The following ZNF254 variants were observed in gnomAD, a reference collection of about 807,000 sequenced individuals.
ZNF254 encodes zinc finger protein 254, also known as CTD-2017D11.1.
Under a neutral mutation model 12.4 loss-of-function variants are expected in ZNF254, and 10 were observed. The ratio of observed to expected loss-of-function variants is 0.80; its 90% confidence interval spans 0.50 to 1.36. The LOEUF (loss-of-function observed/expected upper bound fraction) is 1.36, where lower values mean the gene tolerates loss of function less well. ZNF254 is among the 40% of genes most tolerant of loss of function. The pLI, the probability that ZNF254 is intolerant of heterozygous loss-of-function variation, is 0.00. For synonymous variants in ZNF254, 305 were observed against 253.4 expected, an observed-to-expected ratio of 1.20 and a Z score of -1.93; for missense variants, 996 against 763.9, an observed-to-expected ratio of 1.30 and a Z score of -3.58.
At chr19:24,038,076 T>C (rs1970032763) in intron 1 of ZNF254, among the ~76,000 whole-genome samples, 1 of 152,254 alleles carries the variant, frequency 6.6e-6, no homozygotes, top group Non-Finnish European at 1.5e-5. Flanking sequence ...CTTTTCTGCC[T>C]ACTTGAAATA....
upstream of ZNF254, chr19:24,087,017 C>CAG (rs1972065281): frequency 2.6e-6 from 1 of 383,246 alleles, no homozygotes; most frequent in Admixed American, 3.9e-5. Context: ...GATAAGGCTG[C>CAG]AGCTTAGGCT....
intron 2 of ZNF254, among the ~76,000 whole-genome samples, chr19:24,053,254 A>G (rs530187058): frequency 6.6e-6 from 1 of 152,336 alleles, no homozygotes; most frequent in South Asian, 2.1e-4. Flanking sequence ...TGAAGTTCTC[A>G]TGCACAAATC....
chr19:24,049,205 TATATA>T (rs1169821228), intron 2 of ZNF254, among the ~76,000 whole-genome samples: 14 of 59,970 alleles, frequency 2.3e-4, no homozygotes, highest in Non-Finnish European at 3.1e-4. Flanking sequence ...TATATATATA[TATATA>T]TATATTTTTT....
At chr19:24,088,992 T>C (rs1972202283) in intron 1 of ZNF254, among the ~76,000 whole-genome samples, 1 of 137,176 alleles carries the variant, frequency 7.3e-6, no homozygotes, top group Admixed American at 7.5e-5. Flanking sequence ...TTTTTTTTTT[T>C]TGAGACAGAG....
chr19:24,087,682 C>G (rs527920883), intron 1 of ZNF254, among the ~76,000 whole-genome samples: 16 of 152,224 alleles, frequency 1.1e-4, no homozygotes, highest in African/African-American at 3.4e-4. Context: ...GAGCTTTGGT[C>G]TGTGGGGTTC....
intron 2 of ZNF254, among the ~76,000 whole-genome samples, chr19:24,052,625 C>T (rs961967136): frequency 3.9e-5 from 6 of 152,196 alleles, no homozygotes; most frequent in African/African-American, 1.4e-4. Flanking sequence ...TGTGACTCTG[C>T]TGACTATATT....
intron 3 of ZNF254, among the ~76,000 whole-genome samples, chr19:24,113,835 T>A (rs372591932): frequency 2.0e-5 from 3 of 152,166 alleles, no homozygotes; most frequent in Non-Finnish European, 2.9e-5. Context: ...ACTTCAGCAA[T>A]GTCTCAGGAT....
intron 3 of ZNF254, among the ~76,000 whole-genome samples, chr19:24,123,634 A>G (rs1974635400): frequency 6.6e-6 from 1 of 152,150 alleles, no homozygotes; most frequent in Non-Finnish European, 1.5e-5. Flanking sequence ...ACATACACAC[A>G]CACACACAAA....
At chr19:24,062,162 C>T (rs977097291) in intron 2 of ZNF254, among the ~76,000 whole-genome samples, 4 of 151,318 alleles carry the variant, frequency 2.6e-5, no homozygotes, top group Non-Finnish European at 5.9e-5. Flanking sequence ...TAGAGAATTA[C>T]CACTCTCTTG....
intron 2 of ZNF254, among the ~76,000 whole-genome samples, chr19:24,073,205 G>A (rs981580535): frequency 1.3e-5 from 2 of 152,188 alleles, no homozygotes; most frequent in African/African-American, 4.8e-5. Flanking sequence ...CTGACCCATG[G>A]ACAGTGCCCA....
chr19:24,037,889 G>A (rs577898624), intron 1 of ZNF254, among the ~76,000 whole-genome samples: 15 of 152,166 alleles, frequency 9.9e-5, no homozygotes, highest in Non-Finnish European at 1.6e-4. Flanking sequence ...GATTATAGGC[G>A]TGAGACATCA....
intron 2 of ZNF254, among the ~76,000 whole-genome samples, chr19:24,070,131 G>A (rs1971428758): frequency 1.3e-5 from 2 of 152,132 alleles, no homozygotes; most frequent in African/African-American, 4.8e-5. Flanking sequence ...AGGCAGATGA[G>A]GACTCTCCTA....
At chr19:24,098,540 C>T (rs531846450) in intron 1 of ZNF254, 1 of 152,098 alleles carries the variant, frequency 6.6e-6, no homozygotes, top group South Asian at 2.1e-4. Flanking sequence ...ATAATATGCC[C>T]CCTTTCTTCA....
intron 2 of ZNF254, chr19:24,063,776 T>G (rs1261228856): frequency 6.7e-6 from 1 of 149,704 alleles, no homozygotes; most frequent in Non-Finnish European, 1.5e-5. Flanking sequence ...ACTAAGGTGA[T>G]GTTACTTTTT....
At chr19:24,061,472 T>C (rs191390679) in intron 2 of ZNF254, among the ~76,000 whole-genome samples, 1 of 152,276 alleles carries the variant, frequency 6.6e-6, no homozygotes, top group Admixed American at 6.5e-5. Context: ...ACAGGAAAGG[T>C]TGTAACACAC....
chr19:24,055,735 G>C (rs1463740941), intron 2 of ZNF254, among the ~76,000 whole-genome samples: 1 of 152,186 alleles, frequency 6.6e-6, no homozygotes, highest in East Asian at 1.9e-4. Flanking sequence ...AGGTGAGTTG[G>C]TGACACTCAG....
chr19:24,092,120 C>T (rs1376816881), intron 1 of ZNF254: 1 of 151,860 alleles, frequency 6.6e-6, no homozygotes, highest in Non-Finnish European at 1.5e-5. Flanking sequence ...GATCCACCCA[C>T]CTCGGCCTCC....
intron 1 of ZNF254, chr19:24,105,737 T>A: frequency 1.4e-6 from 1 of 695,178 alleles, no homozygotes; most frequent in Non-Finnish European, 2.1e-6. Flanking sequence ...TATACACTGA[T>A]GTGGATATTT....
chr19:24,115,572 C>G (rs1340111157), intron 3 of ZNF254, among the ~76,000 whole-genome samples: 3 of 151,524 alleles, frequency 2.0e-5, no homozygotes, highest in African/African-American at 4.9e-5. Flanking sequence ...ATACCTAGTG[C>G]TAGATGACGA....
Sources: allele counts gnomAD v4.1 joint callset (sites outside exome capture counted in the v4.1 genomes callset), GRCh38; gene constraint gnomAD v4.1.1; transcripts MANE v1.5; gene names NCBI Gene and HGNC (gene_info 2026-07-23, HGNC 2026-07-21).